DGKQ: variants seen among roughly 807,000 people sequenced by gnomAD.
DGKQ encodes the protein diacylglycerol kinase theta.
Under a neutral mutation model 104.2 loss-of-function variants are expected in DGKQ, and 97 were observed. The observed-to-expected ratio is 0.93, with a 90% confidence interval of 0.79 to 1.10. DGKQ has a LOEUF of 1.10. DGKQ is among the 50% of genes least tolerant of loss of function. The pLI, the probability that DGKQ is intolerant of heterozygous loss-of-function variation, is 0.00. For synonymous variants in DGKQ, 736 were observed against 595.2 expected (o/e 1.24, Z -3.44); for missense variants, 1,465 against 1,352.1 (o/e 1.08, Z -1.31).
In DGKQ at chr4:967,982, C is replaced by T. The variant is rs1359568603; in HGVS notation, c.709G>A (p.Gly237Arg). The T allele has an allele frequency of 6.1e-6, 9 of 1,476,142 alleles. No individual in the cohort carries two copies. The highest frequency in any genetic ancestry group is 2.6e-5 in the East Asian group (1 of 37,750). The allele number at this position is 1,476,142 out of a possible 1,614,324, so 91.4% of individuals were successfully genotyped here. A position where few individuals can be genotyped will look rare whatever the true frequency, so the allele number is the denominator to read the frequency against. ...SAALAPECGF[G>R]RLRSLVLPPA... ...GGCAGGACCAGGGAGCGCAGACGCC[C>T]GAAGCCACACTCGGGAGCCAGCGCC... Residue 237 changes from glycine (G) to arginine (R), a missense_variant, in exon 6 of 23, where the codon GGG becomes AGG. By Grantham distance (125) the Gly-to-Arg change is moderately radical. Coordinates refer to ENST00000273814, the MANE Select transcript of DGKQ (RefSeq NM_001347.4).
At chr4:961,440 C>T (rs373866600) in intron 21 of DGKQ, 27 bp downstream of exon 21, 2,133 of 1,562,214 alleles carry the variant, frequency 1.4e-3, no homozygotes, top group Non-Finnish European at 1.7e-3. Flanking sequence ...ACCCTGGGCT[C>T]GCCCGCCCAC....
chr4:965,869 T>C (rs904787550), intron 13 of DGKQ, 59 bp downstream of exon 13: 12 of 1,494,510 alleles, frequency 8.0e-6, no homozygotes, highest in Admixed American at 2.1e-5. Context: ...GCAGCCCCAC[T>C]GCCTGCCGCT....
At chr4:964,670 C>T (rs1365404809) in intron 15 of DGKQ, among the ~76,000 whole-genome samples, 2 of 152,198 alleles carry the variant, frequency 1.3e-5, no homozygotes, top group Non-Finnish European at 2.9e-5. Context: ...ACTGACTGGC[C>T]TGGGGAGCTC....
chr4:963,969 C>G (rs1712091807), intron 15 of DGKQ: 1 of 153,968 alleles, frequency 6.5e-6, no homozygotes, highest in Non-Finnish European at 1.5e-5. Context: ...GGTGCAGACA[C>G]AGGGTGGGCA....
chr4:967,180 C>A lies in DGKQ; in HGVS notation c.1169G>T (p.Arg390Leu), dbSNP rs781005950. Residue 390 changes from arginine (R) to leucine (L), a missense_variant, in exon 9 of 23, where the codon CGG (arginine) becomes CTG (leucine). By Grantham distance (102) the Arg-to-Leu change is moderately radical. Transcript: ENST00000273814. ...GEATPEAWVI[R>L]ALPRAQEVLK... is the part of the protein sequence containing the mutation. Reference sequence around the variant, plus strand: ...GACCTCCTGGGCCCGCGGCAGAGCCCGGATGACCCAGGCCTCTGGCGTGGC... The same window carrying A: ...GACCTCCTGGGCCCGCGGCAGAGCCAGGATGACCCAGGCCTCTGGCGTGGC... 6.3e-7 allele frequency: 1 copy of A among 1,599,538 alleles called. No homozygotes were observed. Among genetic ancestry groups the A allele is most frequent in the South Asian group, 1.1e-5 (1 of 88,496 alleles).
chr4:967,716 G>A lies in DGKQ; in HGVS notation c.886+12C>T, dbSNP rs776308899. 1.2e-6 allele frequency: 2 copies of A among 1,611,746 alleles called. No individual in the cohort carries two copies. The highest frequency in any genetic ancestry group is 2.2e-5 in the East Asian group (1 of 44,848). The stretch of plus-strand genomic sequence containing the variant: ...CCTCAGTGGAGTTGGGGGGAATGAG[G>A]CGGGCACTTACCGGACTCCGGAGTT... On this transcript the variant is annotated intron_variant, in intron 7 of 22. Coordinates refer to ENST00000273814, the MANE Select transcript of DGKQ (RefSeq NM_001347.4).
At position 966,814 on chromosome 4, in the gene DGKQ, G is replaced by C; in HGVS notation, c.1312-12C>G. 5 of 1,607,704 alleles carry C rather than the reference G, an allele frequency of 3.1e-6. No homozygotes were observed. Among genetic ancestry groups the C allele is most frequent in the Non-Finnish European group, 4.2e-6 (5 of 1,177,734 alleles). Reference sequence around the variant, plus strand: ...TCGGGACTCTCGGCCTGTTGGGGTAGAGCTTGGCATCGGGTCTGGGCAGGC... The same window carrying C: ...TCGGGACTCTCGGCCTGTTGGGGTACAGCTTGGCATCGGGTCTGGGCAGGC... On this transcript the variant is annotated splice_polypyrimidine_tract_variant and intron_variant, in intron 10 of 22. Transcript: ENST00000273814.
rs1451413290 is a variant in DGKQ at position 962,076 on chromosome 4, G to A, written c.2221C>T (p.Gln741Ter). The A allele has an allele frequency of 6.2e-7, 1 of 1,611,286 alleles. No homozygotes were observed. The highest frequency in any genetic ancestry group is 8.5e-7 in the Non-Finnish European group (1 of 1,179,786). Reference protein sequence around the residue: ...TADAEPPKIVQMSNYCGIGID... With the variant: ...TADAEPPKIV ...CCAATGCCACAGTAGTTACTCATCTGCACGATCTGGGGACAGGGCGTTCAT... is the reference window on the plus strand; with the variant it reads ...CCAATGCCACAGTAGTTACTCATCTACACGATCTGGGGACAGGGCGTTCAT... Residue 741 changes from glutamine (Q) to a stop codon, truncating the protein, a stop_gained, in exon 19 of 23, where the codon CAG becomes TAG. Coordinates refer to ENST00000273814, the MANE Select transcript of DGKQ (RefSeq NM_001347.4). LOFTEE classifies it high-confidence loss of function.
At position 968,005 on chromosome 4, in the gene DGKQ, GC is replaced by G. The variant is rs1390916799; in HGVS notation, c.685del (p.Ala229ArgfsTer72). On this transcript the variant is annotated frameshift_variant, in exon 6 of 23. Coordinates refer to ENST00000273814, the MANE Select transcript of DGKQ (RefSeq NM_001347.4). LOFTEE classifies it high-confidence loss of function. ...GVQAHSLCSAALAPECGFGRL... is the reference protein window; with the variant it reads ...GVQAHSLCSAXLAPECGFGRL... ...CCCGAAGCCACACTCGGGAGCCAGC[GC>G]CGCGGAGCAGAGGGAGTGCGCCTGG... 6.9e-7 allele frequency: 1 copy of G among 1,454,106 alleles called. No individual in the cohort carries two copies. Among genetic ancestry groups the G allele is most frequent in the African/African-American group, 1.5e-5 (1 of 67,824 alleles). The allele number at this position is 1,454,106 out of a possible 1,614,324, so 90.1% of individuals were successfully genotyped here.
At chr4:969,189 T>TG (rs924821435) in intron 2 of DGKQ, among the ~76,000 whole-genome samples, 2 of 151,960 alleles carry the variant, frequency 1.3e-5, no homozygotes, top group Non-Finnish European at 2.9e-5. Flanking sequence ...CCCCGGGTCC[T>TG]GGGGACAGCC....
intron 15 of DGKQ, 74 bp from the exon 16 acceptor site, chr4:963,364 G>T: frequency 7.0e-7 from 1 of 1,424,132 alleles, no homozygotes; most frequent in Admixed American, 2.0e-5. Flanking sequence ...GCCAGGCAGT[G>T]CCCAGCCCCC....
Position 965,495 on chromosome 4 carries a change from G to A in DGKQ, c.1614C>T (p.Ser538=), listed in dbSNP as rs539194775. Residue 538 remains serine (S), a synonymous_variant, in exon 14 of 23, where the codon TCC becomes TCT. Coordinates refer to ENST00000273814, the MANE Select transcript of DGKQ (RefSeq NM_001347.4). ...TVVSVSHIYS[S]QGAVVLDVAC... ...ACGTCCCTCAGGGCAGCTCACCTTG[G>A]GAGGAGTAGATGTGACTCACGGACA... The A allele has an allele frequency of 3.1e-6, 5 of 1,611,702 alleles. No individual in the cohort carries two copies. In the South Asian group the frequency reaches 5.5e-5, roughly 18 times the overall value.
At position 960,305 on chromosome 4, in the gene DGKQ, C is replaced by T. The variant is rs1458431205; in HGVS notation, c.*315G>A. On this transcript the variant is annotated 3_prime_UTR_variant, in exon 23 of 23. Transcript: ENST00000273814. ...AGTGGGGAGAGGGATGGGTGCCCAC[C>T]CCTGAGGAGAGGACCAGGCCCCCAC... 2.3e-6 allele frequency: 1 copy of T among 443,246 alleles called. No individual in the cohort carries two copies. Among genetic ancestry groups the T allele is most frequent in the Non-Finnish European group, 4.2e-6 (1 of 240,588 alleles). 27.5% of individuals were successfully genotyped at this position (443,246 alleles called of 1,614,324 possible).
chr4:965,702 G>A (rs565001815), intron 13 of DGKQ, among the ~76,000 whole-genome samples, 173 bp from the exon 14 acceptor site: 10 of 152,304 alleles, frequency 6.6e-5, no homozygotes, highest in East Asian at 5.8e-4. Flanking sequence ...GGAGGTACAG[G>A]ACCCCCCAGA....
At position 965,525 on chromosome 4, in the gene DGKQ, G is replaced by A. The variant is rs569137097; in HGVS notation, c.1584C>T (p.Thr528=). The change falls in exon 14 of 23, where the codon ACC becomes ACT. Residue 528 remains threonine, a synonymous_variant. Transcript: ENST00000273814. ...LLHEAGATKA[T]VVSVSHIYSS... ...AGTAGATGTGACTCACGGACACCAC[G>A]GTGGCTGCAAAGGCAGGCTGTGGTC... 14 of 1,611,866 alleles carry A rather than the reference G, an allele frequency of 8.7e-6. No homozygotes were observed. The highest frequency in any genetic ancestry group is 2.2e-5 in the South Asian group (2 of 90,724).
In DGKQ at chr4:961,485, C is replaced by G. The variant is rs767412284; in HGVS notation, c.2556G>C (p.Val852=). ...GGCTCACCATGTGCACGACGCCCGT[C>G]ACGCCCACAACCTCCAGCAGCCCGT... ...MDDGLLEVVG[V]TGVVHMGQVQ... The change falls in exon 21 of 23, where the codon GTG becomes GTC. Residue 852 remains valine, a synonymous_variant. Transcript: ENST00000273814. The G allele has an allele frequency of 1.2e-6, 2 of 1,603,652 alleles. No individual in the cohort carries two copies. Among genetic ancestry groups the G allele is most frequent in the East Asian group, 4.5e-5 (2 of 44,200 alleles).
At chr4:964,942 G>A (rs867898329) in intron 15 of DGKQ, among the ~76,000 whole-genome samples, 1 of 152,164 alleles carries the variant, frequency 6.6e-6, no homozygotes. Flanking sequence ...GGGCAGCCTC[G>A]GATGAGCGCT....
chr4:961,734 C>T lies in DGKQ; in HGVS notation c.2416G>A (p.Val806Met). ...AGGCCTTCAATACTGGGCAGCTCCA[C>T]CTCCTGCCGCTCCACCTGCAGCCGG... ...QIRLQVERQEVELPSIEGLIF... is the reference protein window; with the variant it reads ...QIRLQVERQEMELPSIEGLIF... Residue 806 changes from valine to methionine, a missense_variant, in exon 20 of 23, where the codon GTG (valine) becomes ATG (methionine). Coordinates refer to ENST00000273814, the MANE Select transcript of DGKQ (RefSeq NM_001347.4). The T allele has an allele frequency of 1.2e-6, 2 of 1,612,750 alleles. No individual in the cohort carries two copies. The highest frequency in any genetic ancestry group is 1.3e-5 in the African/African-American group (1 of 75,038).
rs762851857 is a variant in DGKQ at position 961,988 on chromosome 4, G to A, written c.2309C>T (p.Thr770Ile). The A allele has an allele frequency of 1.9e-6, 3 of 1,613,014 alleles. No homozygotes were observed. Among genetic ancestry groups the A allele is most frequent in the African/African-American group, 2.7e-5 (2 of 74,912 alleles). The change falls in exon 19 of 23, where the codon ACA becomes ATA. Residue 770 changes from threonine to isoleucine, a missense_variant. Thr to Ile is a moderately conservative substitution (Grantham distance 89). Coordinates refer to ENST00000273814, the MANE Select transcript of DGKQ (RefSeq NM_001347.4). ...QAREEEPGKF[T>I]SRLHNKGVYV... ...GCCCCTGCGGCTCCGGTACCTGCTT[G>A]TGAACTTGCCAGGCTCCTCTTCCCG...
Sources: allele counts gnomAD v4.1 joint callset (sites outside exome capture counted in the v4.1 genomes callset), GRCh38; gene constraint gnomAD v4.1.1; transcripts MANE v1.5; gene names NCBI Gene and HGNC (gene_info 2026-07-23, HGNC 2026-07-21).